ASXL3: variants seen among roughly 807,000 people sequenced by gnomAD.
ASXL3 encodes the protein putative Polycomb group protein ASXL3.
Under a neutral mutation model 170.6 loss-of-function variants are expected in ASXL3, and 34 were observed. The observed-to-expected ratio is 0.20, with a 90% CI of 0.15 to 0.27. The LOEUF (loss-of-function observed/expected upper bound fraction) is 0.27. Among genes scored for constraint, ASXL3 ranks in the 10% least tolerant of loss-of-function variants. The pLI, the probability that ASXL3 is intolerant of heterozygous loss-of-function variation, is 1.00. For missense variants in ASXL3, 2,592 were observed against 2,695.3 expected (o/e 0.96, Z 0.85); for synonymous variants, 1,002 against 989.1 (o/e 1.01, Z -0.24).
chr18:33,699,470 T>A (rs7231911), intron 8 of ASXL3, among the ~76,000 whole-genome samples: 46 of 151,852 alleles, frequency 3.0e-4, no homozygotes, highest in Admixed American at 1.8e-3. Flanking sequence ...GAAGATGGAG[T>A]GATAGAGATT....
intron 8 of ASXL3, among the ~76,000 whole-genome samples, chr18:33,718,998 A>G (rs564213857): frequency 6.6e-6 from 1 of 152,208 alleles, no homozygotes; most frequent in South Asian, 2.1e-4. Flanking sequence ...AATATTTCAT[A>G]TATATTTATT....
chr18:33,659,557 TTTCATAGAGAC>T (rs1378514728), intron 4 of ASXL3, among the ~76,000 whole-genome samples: 1 of 152,142 alleles, frequency 6.6e-6, no homozygotes, highest in Non-Finnish European at 1.5e-5. Flanking sequence ...GTTGGTCACA[TTTCATAGAGAC>T]TTCAGAACAT....
At chr18:33,710,026 C>T (rs562402040) in intron 8 of ASXL3, among the ~76,000 whole-genome samples, 7 of 152,232 alleles carry the variant, frequency 4.6e-5, no homozygotes, top group East Asian at 1.9e-4. Flanking sequence ...GAGGCTGAGG[C>T]GGGTGGATCA....
intron 8 of ASXL3, among the ~76,000 whole-genome samples, chr18:33,684,291 CTG>C (rs545275464): frequency 1.4e-3 from 220 of 152,242 alleles, no homozygotes; most frequent in Non-Finnish European, 2.5e-3. Context: ...AATTCTGAAA[CTG>C]TGCATCATTT....
intron 8 of ASXL3, among the ~76,000 whole-genome samples, chr18:33,698,939 G>GT (rs1332220239): frequency 6.6e-6 from 1 of 152,248 alleles, no homozygotes; most frequent in African/African-American, 2.4e-5. Context: ...GGCCAAGGCT[G>GT]TGCCCGTTCG....
At chr18:33,608,799 G>A (rs187962047) in intron 2 of ASXL3, among the ~76,000 whole-genome samples, 31 of 152,046 alleles carry the variant, frequency 2.0e-4, no homozygotes, top group Non-Finnish European at 4.0e-4. Context: ...TCCTTCTGAG[G>A]CTGACTTTTT....
intron 4 of ASXL3, among the ~76,000 whole-genome samples, chr18:33,660,272 CTG>C (rs2066150824): frequency 6.6e-6 from 1 of 152,120 alleles, no homozygotes; most frequent in Admixed American, 6.6e-5. Flanking sequence ...GCATTAATAA[CTG>C]TTATTTTATT....
intron 10 of ASXL3, among the ~76,000 whole-genome samples, chr18:33,736,763 G>A (rs2067555444): frequency 2.6e-5 from 4 of 152,094 alleles, no homozygotes; most frequent in African/African-American, 9.7e-5. Flanking sequence ...GATTTCTGGA[G>A]GCCAGGGTTT....
chr18:33,672,475 GGAGAAA>G (rs2066359639), intron 7 of ASXL3, among the ~76,000 whole-genome samples: 1 of 151,998 alleles, frequency 6.6e-6, no homozygotes, highest in Admixed American at 6.6e-5. Flanking sequence ...CAGCATTCAG[GGAGAAA>G]AGAGCATGAG....
chr18:33,672,010 C>T, intron 7 of ASXL3, 144 bp downstream of exon 7: 1 of 875,892 alleles, frequency 1.1e-6, no homozygotes, highest in South Asian at 2.1e-5. Context: ...AAAAAGAATG[C>T]TAAATAAGGA....
At chr18:33,611,016 G>A (rs1176498042) in intron 2 of ASXL3, among the ~76,000 whole-genome samples, 1 of 152,004 alleles carries the variant, frequency 6.6e-6, no homozygotes, top group African/African-American at 2.4e-5. Context: ...AAACTAATGA[G>A]GATATTTGAA....
intron 2 of ASXL3, among the ~76,000 whole-genome samples, chr18:33,619,525 T>C (rs1391711070): frequency 6.6e-6 from 1 of 151,776 alleles, no homozygotes; most frequent in Non-Finnish European, 1.5e-5. Flanking sequence ...TTGTCCAACA[T>C]GAGGATGACC....
At chr18:33,589,994 A>G (rs548717391) in intron 1 of ASXL3, among the ~76,000 whole-genome samples, 1 of 152,210 alleles carries the variant, frequency 6.6e-6, no homozygotes, top group South Asian at 2.1e-4. Flanking sequence ...AGTGAAACAA[A>G]TTTAACTCAA....
chr18:33,702,411 G>A (rs1359873771), intron 8 of ASXL3, among the ~76,000 whole-genome samples: 1 of 152,050 alleles, frequency 6.6e-6, no homozygotes, highest in Non-Finnish European at 1.5e-5. Flanking sequence ...CTTGGTTAGA[G>A]ATTTGAGTGT....
At chr18:33,592,346 A>G (rs1234582122) in intron 1 of ASXL3, among the ~76,000 whole-genome samples, 2 of 152,212 alleles carry the variant, frequency 1.3e-5, no homozygotes, top group East Asian at 1.9e-4. Context: ...GAGCAAGTAG[A>G]TATTACCTCA....
chr18:33,579,130 C>T (rs1480659181), intron 1 of ASXL3: 1 of 152,898 alleles, frequency 6.5e-6, no homozygotes, highest in East Asian at 1.9e-4. Context: ...TTTGTGAGTT[C>T]AAACATTTTA....
intron 9 of ASXL3, among the ~76,000 whole-genome samples, chr18:33,732,474 C>T (rs973489668): frequency 1.3e-5 from 2 of 152,096 alleles, no homozygotes; most frequent in African/African-American, 4.8e-5. Flanking sequence ...ACAGAATGCC[C>T]AATGCTACTG....
In ASXL3 at chr18:33,746,958, T is replaced by A. The variant is rs1430613722; in HGVS notation, c.*363T>A. ...CGGAAATGCAGATGTGTAAGGAGAA[T>A]GAGAGGAATGAGTTAAAGTGGTTAT... On this transcript the variant is annotated 3_prime_UTR_variant, in exon 12 of 12. Coordinates refer to ENST00000269197, the MANE Select transcript of ASXL3 (RefSeq NM_030632.3). The A allele has an allele frequency of 5.6e-6, 1 of 177,678 alleles. No individual in the cohort carries two copies. The highest frequency in any genetic ancestry group is 6.1e-5 in the Admixed American group (1 of 16,484). The allele number at this position is 177,678 out of a possible 1,614,324, so 11.0% of individuals were successfully genotyped here.
At chr18:33,601,368 T>G (rs1442622807) in intron 1 of ASXL3, among the ~76,000 whole-genome samples, 1 of 152,068 alleles carries the variant, frequency 6.6e-6, no homozygotes, top group Non-Finnish European at 1.5e-5. Context: ...TTATATTCAT[T>G]ATCTCATTTA....
Sources: gnomAD v4.1 joint callset for allele counts (sites outside exome capture counted in the v4.1 genomes callset) on GRCh38, gnomAD v4.1.1 for gene constraint, MANE v1.5 for transcripts, NCBI Gene and HGNC (gene_info 2026-07-23, HGNC 2026-07-21) for gene names.